Variants in STAG1 observed in about 807,000 individuals in gnomAD.
The protein encoded by STAG1 is cohesin subunit SA-1.
A neutral mutation model predicts 170.9 loss-of-function variants in STAG1; 26 were observed. That is an observed-to-expected ratio of 0.15 (90% CI 0.11 to 0.21). The LOEUF (loss-of-function observed/expected upper bound fraction) is 0.21. Among genes scored for constraint, STAG1 ranks in the 10% least tolerant of loss-of-function variants. STAG1 has a pLI of 1.00. For synonymous variants in STAG1, 514 were observed against 497.7 expected (o/e 1.03, Z -0.44); for missense variants, 964 against 1,509.5 (o/e 0.64, Z 5.99).
chr3:136,525,029 T>A (rs539606208), intron 6 of STAG1, among the ~76,000 whole-genome samples: 42 of 152,350 alleles, frequency 2.8e-4, no homozygotes, highest in African/African-American at 9.9e-4. Context: ...GCATCGATGT[T>A]CATCAGGGGT....
chr3:136,425,070 C>T (rs796773513), intron 16 of STAG1, among the ~76,000 whole-genome samples: 2 of 151,884 alleles, frequency 1.3e-5, no homozygotes, highest in Non-Finnish European at 2.9e-5. Flanking sequence ...GATCTCCCGA[C>T]CTCGTGATCT....
intron 10 of STAG1, among the ~76,000 whole-genome samples, chr3:136,474,614 A>T (rs562275119): frequency 1.3e-5 from 2 of 152,324 alleles, no homozygotes; most frequent in Admixed American, 1.3e-4. Context: ...GGAGATGCAT[A>T]ATCACTCTTT....
intron 9 of STAG1, among the ~76,000 whole-genome samples, chr3:136,498,233 T>TATATATATATATATATACACACACAC: frequency 7.0e-5 from 4 of 57,488 alleles, no homozygotes; most frequent in African/African-American, 4.1e-4. Context: ...TATATATATA[T>TATATATATATATATATACACACACAC]ACACATACAT....
intron 7 of STAG1, among the ~76,000 whole-genome samples, chr3:136,505,930 T>C (rs909684852): frequency 2.0e-5 from 3 of 151,866 alleles, no homozygotes; most frequent in Non-Finnish European, 2.9e-5. Flanking sequence ...CACTACAGAG[T>C]ATAGTATTTA....
intron 1 of STAG1, among the ~76,000 whole-genome samples, chr3:136,645,746 C>T (rs1047216777): frequency 9.9e-5 from 15 of 152,186 alleles, no homozygotes; most frequent in African/African-American, 3.4e-4. Context: ...CTTAGTTACC[C>T]ATAGTGTCTC....
chr3:136,484,918 C>A (rs1296633500), intron 9 of STAG1, among the ~76,000 whole-genome samples: 21 of 151,978 alleles, frequency 1.4e-4, no homozygotes, highest in African/African-American at 5.1e-4. Flanking sequence ...TGAGGCAATG[C>A]CTCGCCCTGC....
At chr3:136,448,883 G>A (rs2088859119) in intron 14 of STAG1, among the ~76,000 whole-genome samples, 2 of 151,798 alleles carry the variant, frequency 1.3e-5, no homozygotes, top group South Asian at 4.2e-4. Flanking sequence ...AGGTTGCAGT[G>A]AGTGGAGATT....
chr3:136,625,366 T>C (rs1407689813), intron 2 of STAG1, among the ~76,000 whole-genome samples: 3 of 152,218 alleles, frequency 2.0e-5, no homozygotes, highest in African/African-American at 4.8e-5. Context: ...TTCAATACCC[T>C]ATCAGTACAC....
chr3:136,713,570 G>A (rs536225814), intron 1 of STAG1, among the ~76,000 whole-genome samples: 8 of 145,618 alleles, frequency 5.5e-5, no homozygotes, highest in South Asian at 2.2e-4. Flanking sequence ...GAAACAGAGC[G>A]AAACTCCACC....
chr3:136,588,272 C>G (rs1937943653), intron 4 of STAG1, among the ~76,000 whole-genome samples: 1 of 152,120 alleles, frequency 6.6e-6, no homozygotes, highest in Non-Finnish European at 1.5e-5. Flanking sequence ...AGTTGGTATA[C>G]AACCCGCCAC....
intron 4 of STAG1, among the ~76,000 whole-genome samples, chr3:136,595,037 G>C (rs1938361166): frequency 6.6e-6 from 1 of 152,114 alleles, no homozygotes; most frequent in African/African-American, 2.4e-5. Context: ...CCAAAGTACT[G>C]GGCTTACAGG....
At chr3:136,655,671 G>A (rs181164670) in intron 1 of STAG1, among the ~76,000 whole-genome samples, 1 of 152,214 alleles carries the variant, frequency 6.6e-6, no homozygotes, top group Admixed American at 6.5e-5. Flanking sequence ...GCTGAGGCAG[G>A]AGAATCACTT....
chr3:136,642,682 G>T (rs373174761), intron 1 of STAG1, among the ~76,000 whole-genome samples: 1 of 152,282 alleles, frequency 6.6e-6, no homozygotes, highest in East Asian at 1.9e-4. Flanking sequence ...CAATTGCAAG[G>T]CTCTTCCCTT....
chr3:136,513,089 G>A (rs1296539049), intron 7 of STAG1, among the ~76,000 whole-genome samples: 1 of 152,032 alleles, frequency 6.6e-6, no homozygotes, highest in African/African-American at 2.4e-5. Flanking sequence ...CCCAAGTGGC[G>A]GGGTGTAGGG....
At chr3:136,526,581 T>G (rs1230270059) in intron 6 of STAG1, among the ~76,000 whole-genome samples, 1 of 152,206 alleles carries the variant, frequency 6.6e-6, no homozygotes, top group Non-Finnish European at 1.5e-5. Flanking sequence ...AATTGGAGCA[T>G]TTAGTCCATT....
intron 15 of STAG1, among the ~76,000 whole-genome samples, chr3:136,438,416 G>A (rs1162228622): frequency 2.0e-5 from 3 of 151,822 alleles, no homozygotes; most frequent in Non-Finnish European, 1.5e-5. Flanking sequence ...GTAGAAACGG[G>A]GTTTCACCAT....
intron 29 of STAG1, chr3:136,348,692 G>C (rs1936325992): frequency 6.4e-6 from 1 of 157,250 alleles, no homozygotes; most frequent in East Asian, 1.9e-4. Context: ...ACAGATGTGA[G>C]CCACCACACC....
At chr3:136,641,942 C>T (rs1193406891) in intron 1 of STAG1, among the ~76,000 whole-genome samples, 1 of 152,122 alleles carries the variant, frequency 6.6e-6, no homozygotes, top group African/African-American at 2.4e-5. Context: ...CCCAAACTAA[C>T]TCCCAACTCT....
chr3:136,706,381 T>C (rs1943229104), intron 1 of STAG1, among the ~76,000 whole-genome samples: 2 of 152,164 alleles, frequency 1.3e-5, no homozygotes, highest in Admixed American at 6.5e-5. Flanking sequence ...ATAAAAAAAT[T>C]GAGCAAAGTT....
Sources: gnomAD v4.1 joint callset for allele counts (sites outside exome capture counted in the v4.1 genomes callset) on GRCh38, gnomAD v4.1.1 for gene constraint, MANE v1.5 for transcripts, NCBI Gene and HGNC (gene_info 2026-07-23, HGNC 2026-07-21) for gene names.